The following ASTN2 variants were observed in gnomAD, a reference collection of about 807,000 sequenced individuals.
ASTN2 encodes astrotactin-2.
In ASTN2, 54 loss-of-function variants were observed where a neutral mutation model predicts 139.8. The ratio of observed to expected loss-of-function variants is 0.39; its 90% CI spans 0.31 to 0.48. ASTN2 has a LOEUF of 0.48. ASTN2 is among the 20% of genes least tolerant of loss of function. The pLI is 0.95. For missense variants in ASTN2, 1,565 were observed against 1,725.1 expected (o/e 0.91, Z 1.64); for synonymous variants, 756 against 719.5 (o/e 1.05, Z -0.81).
chr9:117,114,166 CT>C (rs748137558), intron 4 of ASTN2, among the ~76,000 whole-genome samples: 3,449 of 140,770 alleles, frequency 0.025, 119 homozygotes, highest in African/African-American at 0.084. Flanking sequence ...GAACATTAGT[CT>C]TTTTTTTTTT....
intron 16 of ASTN2, among the ~76,000 whole-genome samples, chr9:116,655,873 T>G (rs111965052): frequency 2.6e-5 from 4 of 151,480 alleles, no homozygotes; most frequent in South Asian, 2.1e-4. Flanking sequence ...TCTTGTGTTT[T>G]TTGTTGTTGT....
At chr9:117,215,378 A>G (rs1291758401) in intron 2 of ASTN2, among the ~76,000 whole-genome samples, 2 of 151,898 alleles carry the variant, frequency 1.3e-5, no homozygotes, top group Non-Finnish European at 2.9e-5. Context: ...GGGAACTGGG[A>G]CAAAGTAGGT....
chr9:117,185,220 A>G (rs1414416085), intron 3 of ASTN2, among the ~76,000 whole-genome samples: 1 of 152,156 alleles, frequency 6.6e-6, no homozygotes, highest in Non-Finnish European at 1.5e-5. Context: ...TCCTAGTGCT[A>G]TATATGAAAA....
At chr9:117,303,509 G>A (rs1014983901) in intron 1 of ASTN2, among the ~76,000 whole-genome samples, 6 of 151,912 alleles carry the variant, frequency 3.9e-5, no homozygotes, top group East Asian at 1.9e-4. Flanking sequence ...CTATCCAAAC[G>A]GCACCAACCT....
At chr9:116,778,208 T>TA (rs35652579) in intron 13 of ASTN2, among the ~76,000 whole-genome samples, 126,490 of 151,840 alleles carry the variant, frequency 0.83, 53,328 homozygotes, top group Non-Finnish European at 0.91. Context: ...AGCAAACACT[T>TA]ATGCCATGAT....
chr9:117,180,521 A>T (rs539046464), intron 3 of ASTN2: 149 of 627,616 alleles, frequency 2.4e-4, no homozygotes, highest in Non-Finnish European at 3.8e-4. Flanking sequence ...TTCCTCTGTG[A>T]TCCTGGAATA....
intron 3 of ASTN2, among the ~76,000 whole-genome samples, chr9:117,183,325 T>A (rs1037700907): frequency 6.6e-6 from 1 of 152,194 alleles, no homozygotes; most frequent in African/African-American, 2.4e-5. Flanking sequence ...GAGAATTAAA[T>A]AAAGAAGCAT....
At chr9:116,767,009 C>T (rs1446203530) in intron 13 of ASTN2, among the ~76,000 whole-genome samples, 1 of 152,102 alleles carries the variant, frequency 6.6e-6, no homozygotes, top group Non-Finnish European at 1.5e-5. Flanking sequence ...CAAACACACA[C>T]ATTCACACTC....
chr9:117,263,965 G>A (rs780078497), intron 2 of ASTN2, among the ~76,000 whole-genome samples: 6 of 151,998 alleles, frequency 3.9e-5, no homozygotes, highest in Middle Eastern at 3.4e-3. Context: ...CCTGGAGTTC[G>A]AGACCAGCCT....
rs184309018 is a variant in ASTN2, at chr9:116,531,186, T to C, written c.3356-43686A>G. 1.6e-3 allele frequency among the ~76,000 whole-genome samples: 248 copies of C among 152,310 alleles called. 1 individual carries two copies. Among genetic ancestry groups the C allele is most frequent in the African/African-American group, 5.7e-3 (237 of 41,574 alleles). ...CGATGGAAACACTTATCATCTGTGT[T>C]GTGTTTGTCCATGTTCTTGTCTTCT... On this transcript the variant is annotated intron_variant, in intron 19 of 22. Transcript: ENST00000313400.
intron 2 of ASTN2, among the ~76,000 whole-genome samples, chr9:117,262,397 TTTTA>T (rs60952646): frequency 1.6e-5 from 2 of 123,514 alleles, no homozygotes; most frequent in South Asian, 2.5e-4. Flanking sequence ...CTGTTTCTTT[TTTTA>T]TTTATTTATT....
At chr9:116,920,109 G>A (rs922992308) in intron 10 of ASTN2, among the ~76,000 whole-genome samples, 1 of 152,112 alleles carries the variant, frequency 6.6e-6, no homozygotes, top group African/African-American at 2.4e-5. Context: ...ATGGAAATGG[G>A]GGTTGGATTA....
Position 116,651,741 on chromosome 9 carries a change from G to A in ASTN2, c.2859C>T (p.Thr953=). Residue 953 remains threonine, a synonymous_variant, in exon 17 of 23, where the codon ACC becomes ACT. Coordinates refer to ENST00000313400, the MANE Select transcript of ASTN2 (RefSeq NM_001365068.1). ...GGGCTGTCAGCAAACCTGAGAGGTAGGTGATGAAGGGCATGGACTTGAGCT... is the reference window on the plus strand; with the variant it reads ...GGGCTGTCAGCAAACCTGAGAGGTAAGTGATGAAGGGCATGGACTTGAGCT... ...KKELKSMPFI[T]YLSGLLTAQM... The A allele has an allele frequency of 6.2e-7, 1 of 1,614,164 alleles. No homozygotes were observed. The highest frequency in any genetic ancestry group is 8.5e-7 in the Non-Finnish European group (1 of 1,180,036).
intron 13 of ASTN2, among the ~76,000 whole-genome samples, chr9:116,764,917 G>A (rs1829766582): frequency 6.6e-6 from 1 of 152,096 alleles, no homozygotes; most frequent in African/African-American, 2.4e-5. Flanking sequence ...CAGTTCTTCT[G>A]AGATGCCCCC....
At chr9:117,163,929 C>A (rs543048598) in intron 3 of ASTN2, among the ~76,000 whole-genome samples, 2 of 152,064 alleles carry the variant, frequency 1.3e-5, no homozygotes, top group Non-Finnish European at 2.9e-5. Context: ...ACTTATGACT[C>A]TCCAGCGACC....
intron 1 of ASTN2, among the ~76,000 whole-genome samples, chr9:117,332,392 G>A (rs1828739840): frequency 6.6e-6 from 1 of 152,122 alleles, no homozygotes; most frequent in Non-Finnish European, 1.5e-5. Flanking sequence ...CCAACATGGT[G>A]AAACCCTCTC....
intron 5 of ASTN2, among the ~76,000 whole-genome samples, chr9:117,075,890 G>A (rs995474947): frequency 2.0e-5 from 3 of 152,160 alleles, no homozygotes; most frequent in Admixed American, 6.5e-5. Context: ...AGGGCTAAAT[G>A]AGACAGCACA....
rs150735000 is a variant in ASTN2 at position 116,936,491 on chromosome 9, G to T, written c.1889+38717C>A. On this transcript the variant is annotated intron_variant, in intron 10 of 22. Coordinates refer to ENST00000313400, the MANE Select transcript of ASTN2 (RefSeq NM_001365068.1). The stretch of plus-strand genomic sequence containing the variant: ...GGGTAGGTTAAGCAATTTGCCCAAG[G>T]TCACTCGATCAGCAAGTGCTAGTAC... 5.1e-4 allele frequency among the ~76,000 whole-genome samples: 78 copies of T among 152,236 alleles called. 2 individuals carry two copies. In the East Asian group the frequency reaches 0.015, roughly 29 times the overall value.
At chr9:117,089,420 C>G (rs1828646698) in intron 5 of ASTN2, among the ~76,000 whole-genome samples, 1 of 152,176 alleles carries the variant, frequency 6.6e-6, no homozygotes, top group Non-Finnish European at 1.5e-5. Flanking sequence ...TCAGAATTGG[C>G]ACACTTAAAA....
Sources: gnomAD v4.1 joint callset for allele counts (sites outside exome capture counted in the v4.1 genomes callset) on GRCh38, gnomAD v4.1.1 for gene constraint, MANE v1.5 for transcripts, NCBI Gene and HGNC (gene_info 2026-07-23, HGNC 2026-07-21) for gene names.